Variants in PAK3 observed in about 807,000 individuals in gnomAD.
PAK3 encodes p21 (RAC1) activated kinase 3, also known as serine/threonine-protein kinase PAK 3.
Under a neutral mutation model 41.0 loss-of-function variants are expected in PAK3, and 4 were observed. The ratio of observed to expected loss-of-function variants is 0.10; its 90% CI spans 0.05 to 0.22. The LOEUF (loss-of-function observed/expected upper bound fraction) is 0.22. Ranked by LOEUF, PAK3 falls within the 10% of genes least tolerant of loss-of-function variation. The pLI, the probability that PAK3 is intolerant of heterozygous loss-of-function variation, is 1.00. For missense variants in PAK3, 205 were observed against 409.9 expected (o/e 0.50, Z 4.32); for synonymous variants, 146 against 139.6 (o/e 1.05, Z -0.32).
At chrX:110,966,489 CAGAGAG>C in intron 1 of PAK3, among the ~76,000 whole-genome samples, 1 of 107,993 alleles carries the variant, frequency 9.3e-6, no homozygotes, top group South Asian at 4.0e-4. Context: ...AGATCAAGAA[CAGAGAG>C]AGAGAGAGAG....
intron 11 of PAK3, among the ~76,000 whole-genome samples, chrX:111,186,406 C>T (rs1354429292): frequency 9.0e-6 from 1 of 111,218 alleles, no homozygotes; most frequent in Non-Finnish European, 1.9e-5. Context: ...TTGTCTCAGC[C>T]CAAAATCTCC....
intron 6 of PAK3, among the ~76,000 whole-genome samples, chrX:111,144,018 A>ATCTC (rs200537427): frequency 0.098 from 10,865 of 111,251 alleles, 1,293 homozygotes; most frequent in African/African-American, 0.33. Flanking sequence ...ATGATACAGT[A>ATCTC]TATCTCTAGC....
intron 6 of PAK3, among the ~76,000 whole-genome samples, chrX:111,143,792 A>G (rs1175523713): frequency 1.8e-5 from 2 of 112,032 alleles, no homozygotes; most frequent in Non-Finnish European, 3.8e-5. Flanking sequence ...TCCCTTTTTT[A>G]TTAATTTTTC....
chrX:111,178,922 A>G (rs1322265839), intron 11 of PAK3, among the ~76,000 whole-genome samples: 2 of 107,340 alleles, frequency 1.9e-5, no homozygotes, highest in African/African-American at 6.8e-5. Flanking sequence ...AGATAATTTT[A>G]AAAAGTTTTT....
At chrX:110,976,240 A>G (rs2091326567) in intron 1 of PAK3, among the ~76,000 whole-genome samples, 1 of 112,476 alleles carries the variant, frequency 8.9e-6, no homozygotes. Flanking sequence ...CAGAATCTGC[A>G]AAGAACTCAA....
chrX:111,030,544 A>G (rs1375829597), intron 1 of PAK3, among the ~76,000 whole-genome samples: 1 of 111,873 alleles, frequency 8.9e-6, no homozygotes, highest in Non-Finnish European at 1.9e-5. Context: ...AAACTACTCT[A>G]TTTATGTTGG....
upstream of PAK3, among the ~76,000 whole-genome samples, chrX:111,092,676 T>G (rs2092939116): frequency 8.9e-6 from 1 of 112,168 alleles, no homozygotes; most frequent in African/African-American, 3.2e-5. Flanking sequence ...CTCATAGAGT[T>G]GTATACATTA....
chrX:111,064,623 A>G (rs1336809162), intron 1 of PAK3, among the ~76,000 whole-genome samples: 1 of 112,222 alleles, frequency 8.9e-6, no homozygotes. Context: ...AAAGGACATG[A>G]TTTCATTCTT....
intron 1 of PAK3, among the ~76,000 whole-genome samples, chrX:111,033,959 A>AG (rs2092367931): frequency 9.0e-6 from 1 of 111,400 alleles, no homozygotes; most frequent in African/African-American, 3.3e-5. Context: ...CTCATCCCTT[A>AG]GGTCATTCCT....
chrX:111,169,040 C>A (rs966638051), intron 10 of PAK3, among the ~76,000 whole-genome samples: 1 of 111,591 alleles, frequency 9.0e-6, no homozygotes, highest in Non-Finnish European at 1.9e-5. Flanking sequence ...AAAATATATT[C>A]TCCAACCCTT....
intron 1 of PAK3, among the ~76,000 whole-genome samples, chrX:111,072,345 G>A (rs1488427297): frequency 1.8e-5 from 2 of 112,626 alleles, no homozygotes; most frequent in Non-Finnish European, 3.8e-5. Context: ...GACAGAACCC[G>A]GTAATCAATC....
chrX:111,016,328 TG>T (rs2092089220), intron 1 of PAK3, among the ~76,000 whole-genome samples: 1 of 111,665 alleles, frequency 9.0e-6, no homozygotes, highest in South Asian at 3.8e-4. Context: ...TGGCAGCAGG[TG>T]GGGACATTGT....
rs771993221 is a variant in PAK3 at position 111,106,692 on chromosome X, A to G, written c.-28+3386A>G. On this transcript the variant is annotated intron_variant, in intron 4 of 17. Coordinates refer to ENST00000372007, the MANE Select transcript of PAK3 (RefSeq NM_002578.5). The stretch of plus-strand genomic sequence containing the variant: ...CTTTCTCACTGACACACACACACGG[A>G]TACATCTAATTGCAAGAAATAGTTT... 3.4e-3 allele frequency among the ~76,000 whole-genome samples: 383 copies of G among 111,911 alleles called. 2 individuals are homozygous for G. Among genetic ancestry groups the G allele is most frequent in the African/African-American group, 0.012 (363 of 30,761 alleles).
chrX:111,016,229 G>A, intron 1 of PAK3, among the ~76,000 whole-genome samples: 1 of 112,187 alleles, frequency 8.9e-6, no homozygotes, highest in Non-Finnish European at 1.9e-5. Flanking sequence ...GAAGCTTAGA[G>A]GATAGCATCT....
At chrX:111,115,435 C>T (rs2093446479) in intron 4 of PAK3, among the ~76,000 whole-genome samples, 1 of 111,429 alleles carries the variant, frequency 9.0e-6, no homozygotes, top group African/African-American at 3.3e-5. Context: ...ACAAGTAAGG[C>T]CCTTGTCAGC....
chrX:111,087,233 T>C (rs1015965295), intron 1 of PAK3, among the ~76,000 whole-genome samples: 1 of 110,097 alleles, frequency 9.1e-6, no homozygotes, highest in Admixed American at 9.8e-5. Context: ...GAACATATTG[T>C]AAACTTCTAT....
At chrX:111,014,277 C>A (rs930566297) in intron 1 of PAK3, among the ~76,000 whole-genome samples, 1 of 111,603 alleles carries the variant, frequency 9.0e-6, no homozygotes, top group African/African-American at 3.3e-5. Flanking sequence ...GTTCAAAGTC[C>A]ATTTGTTCAT....
chrX:111,145,833 T>C (rs1163790675), intron 6 of PAK3, among the ~76,000 whole-genome samples: 1 of 111,971 alleles, frequency 8.9e-6, no homozygotes, highest in African/African-American at 3.2e-5. Flanking sequence ...ATGGAAATTA[T>C]ATATATATGG....
At chrX:110,983,655 G>A (rs770223444) in intron 1 of PAK3, among the ~76,000 whole-genome samples, 1 of 110,900 alleles carries the variant, frequency 9.0e-6, no homozygotes, top group African/African-American at 3.3e-5. Context: ...GTGAAGATAC[G>A]TATCAGGGAT....
Sources: gnomAD v4.1 joint callset for allele counts (sites outside exome capture counted in the v4.1 genomes callset) on GRCh38, gnomAD v4.1.1 for gene constraint, MANE v1.5 for transcripts, NCBI Gene and HGNC (gene_info 2026-07-23, HGNC 2026-07-21) for gene names.